Variants in SPAG16 observed in about 807,000 individuals in gnomAD.
SPAG16 encodes sperm associated antigen 16, also known as sperm-associated antigen 16 protein.
A neutral mutation model predicts 80.4 loss-of-function variants in SPAG16; 86 were observed. The ratio of observed to expected loss-of-function variants is 1.07; its 90% CI spans 0.90 to 1.28. The LOEUF is 1.28. SPAG16 is among the 50% of genes most tolerant of loss of function. The pLI, the probability that SPAG16 is intolerant of heterozygous loss-of-function variation, is 0.00. For missense variants in SPAG16, 870 were observed against 765.3 expected (o/e 1.14, Z -1.61); for synonymous variants, 294 against 265.9 (o/e 1.11, Z -1.03).
chr2:213,619,083 A>G (rs1474913324), intron 10 of SPAG16, among the ~76,000 whole-genome samples: 2 of 152,220 alleles, frequency 1.3e-5, no homozygotes, highest in Non-Finnish European at 2.9e-5. Flanking sequence ...CGGTAAAGCA[A>G]CATGTAAGTC....
At position 213,417,053 on chromosome 2, in the gene SPAG16, C is replaced by T. The variant is rs546315730; in HGVS notation, c.942+41934C>T. ...TGATTAAAGCAGAGGCACATTGACT[C>T]GTGGGGTGTATGGGCCTGTTAAAGG... On this transcript the variant is annotated intron_variant, in intron 9 of 15. Coordinates refer to ENST00000331683, the MANE Select transcript of SPAG16 (RefSeq NM_024532.5). Among the ~76,000 whole-genome samples, 265 of 152,244 alleles carry T rather than the reference C, an allele frequency of 1.7e-3. 1 individual carries two copies. Among genetic ancestry groups the T allele is most frequent in the African/African-American group, 6.0e-3 (249 of 41,548 alleles).
chr2:213,500,065 C>A (rs2074672237), intron 10 of SPAG16, among the ~76,000 whole-genome samples: 1 of 152,132 alleles, frequency 6.6e-6, no homozygotes, highest in Non-Finnish European at 1.5e-5. Flanking sequence ...TCCATAATCT[C>A]CCAGTTCTAT....
At chr2:214,321,989 T>A (rs1201794766) in intron 15 of SPAG16, among the ~76,000 whole-genome samples, 1 of 152,220 alleles carries the variant, frequency 6.6e-6, no homozygotes, top group Non-Finnish European at 1.5e-5. Flanking sequence ...TCCTTATTAA[T>A]AGATAACTTT....
At chr2:213,334,846 A>G (rs1184104298) in intron 5 of SPAG16, among the ~76,000 whole-genome samples, 2 of 152,124 alleles carry the variant, frequency 1.3e-5, no homozygotes, top group Non-Finnish European at 2.9e-5. Context: ...GGGATGGTTA[A>G]TGGGTACAGA....
chr2:213,591,044 C>T (rs2060672097), intron 10 of SPAG16, among the ~76,000 whole-genome samples: 1 of 152,144 alleles, frequency 6.6e-6, no homozygotes, highest in Non-Finnish European at 1.5e-5. Flanking sequence ...AACATAGTAA[C>T]AGAAAACCAA....
chr2:213,940,877 T>C (rs181165954), intron 12 of SPAG16, among the ~76,000 whole-genome samples: 1 of 152,312 alleles, frequency 6.6e-6, no homozygotes, highest in East Asian at 1.9e-4. Flanking sequence ...ATAAACAGGC[T>C]ACATTATGTT....
intron 10 of SPAG16, among the ~76,000 whole-genome samples, chr2:213,626,012 G>T (rs968869129): frequency 6.6e-6 from 1 of 152,002 alleles, no homozygotes; most frequent in Non-Finnish European, 1.5e-5. Context: ...CTTAAGTTTT[G>T]TTATTGACAT....
At chr2:213,931,269 C>T (rs1188734061) in intron 12 of SPAG16, among the ~76,000 whole-genome samples, 4 of 152,092 alleles carry the variant, frequency 2.6e-5, no homozygotes, top group Non-Finnish European at 5.9e-5. Flanking sequence ...AAAGCTATAG[C>T]TAAATAAAAT....
chr2:213,371,812 G>A (rs986011159), intron 8 of SPAG16, among the ~76,000 whole-genome samples: 2 of 152,074 alleles, frequency 1.3e-5, no homozygotes, highest in African/African-American at 4.8e-5. Context: ...CCAAAGTGAC[G>A]TTTATTATAG....
chr2:214,409,760 T>C (rs1363641250), intron 15 of SPAG16, among the ~76,000 whole-genome samples: 1 of 152,194 alleles, frequency 6.6e-6, no homozygotes, highest in African/African-American at 2.4e-5. Flanking sequence ...AAGCTATGCC[T>C]TTTAAAACTT....
chr2:214,342,124 C>A (rs1050120368), intron 15 of SPAG16, among the ~76,000 whole-genome samples: 1 of 152,038 alleles, frequency 6.6e-6, no homozygotes, highest in African/African-American at 2.4e-5. Context: ...TTTTAAGGAA[C>A]GATTTTAAGT....
At chr2:214,000,685 T>C (rs1419203493) in intron 12 of SPAG16, among the ~76,000 whole-genome samples, 3 of 152,150 alleles carry the variant, frequency 2.0e-5, no homozygotes, top group Admixed American at 2.0e-4. Context: ...TAAATTCAGC[T>C]AGTGATTGGT....
chr2:214,387,263 A>T (rs1700813194), intron 15 of SPAG16, among the ~76,000 whole-genome samples: 1 of 152,154 alleles, frequency 6.6e-6, no homozygotes, highest in African/African-American at 2.4e-5. Flanking sequence ...TATTCTTTTA[A>T]CAAATATTCA....
In SPAG16 at chr2:214,096,934, T is replaced by C. The variant is rs374545834; in HGVS notation, c.1528-11262T>C. ...GATCATTTCAGTATTAATAATGGAATATATTTTTTAACAACCTGTAAACCC... is the reference window on the plus strand; with the variant it reads ...GATCATTTCAGTATTAATAATGGAACATATTTTTTAACAACCTGTAAACCC... On this transcript the variant is annotated intron_variant, in intron 13 of 15. Coordinates refer to ENST00000331683, the MANE Select transcript of SPAG16 (RefSeq NM_024532.5). Among the ~76,000 whole-genome samples, 26 of 152,198 alleles carry C rather than the reference T, an allele frequency of 1.7e-4. No homozygotes were observed. The East Asian group carries it at 5.0e-3, about 29-fold the overall frequency.
rs142934000 is a variant in SPAG16, at chr2:213,829,922, G to A, written c.1071-32563G>A. On this transcript the variant is annotated intron_variant, in intron 10 of 15. Coordinates refer to ENST00000331683, the MANE Select transcript of SPAG16 (RefSeq NM_024532.5). The stretch of plus-strand genomic sequence containing the variant: ...ACTCTTCCTTCTCCTCTCATGAAGT[G>A]GAAGGAAGGGGTCTCTTTTGGAGCT... Among the ~76,000 whole-genome samples, 11 of 152,208 alleles carry A rather than the reference G, an allele frequency of 7.2e-5. No homozygotes were observed. In the East Asian group the frequency reaches 2.1e-3, roughly 29 times the overall value.
chr2:213,371,678 TTACTC>T (rs2066644435), intron 8 of SPAG16, among the ~76,000 whole-genome samples: 1 of 144,584 alleles, frequency 6.9e-6, no homozygotes, highest in Admixed American at 7.3e-5. Context: ...TGATTGTCAT[TTACTC>T]TAAACTTTGG....
chr2:213,351,720 A>G (rs978499871), intron 7 of SPAG16, among the ~76,000 whole-genome samples: 1 of 152,206 alleles, frequency 6.6e-6, no homozygotes, highest in African/African-American at 2.4e-5. Flanking sequence ...ATTTGTCAAG[A>G]CATGCTTTAA....
rs547331551 is a variant in SPAG16 at position 213,824,367 on chromosome 2, A to G, written c.1071-38118A>G. ...CAATGTTTTCTTTTAGCAGTTTCAT[A>G]GTTTGAGGTCTTAGGTTTAAGTCTT... is the stretch of plus-strand genomic sequence containing the variant. On this transcript the variant is annotated intron_variant, in intron 10 of 15. Coordinates refer to ENST00000331683, the MANE Select transcript of SPAG16 (RefSeq NM_024532.5). Among the ~76,000 whole-genome samples the G allele has an allele frequency of 2.7e-4, 41 of 152,316 alleles. 1 individual carries two copies. The South Asian group carries it at 8.3e-3, about 31-fold the overall frequency.
intron 15 of SPAG16, among the ~76,000 whole-genome samples, chr2:214,287,118 C>T (rs1427555638): frequency 6.6e-6 from 1 of 152,170 alleles, no homozygotes; most frequent in East Asian, 1.9e-4. Flanking sequence ...CTTACCTTTC[C>T]TCCTTGCATA....
Sources: allele counts gnomAD v4.1 joint callset (sites outside exome capture counted in the v4.1 genomes callset), GRCh38; gene constraint gnomAD v4.1.1; transcripts MANE v1.5; gene names NCBI Gene and HGNC (gene_info 2026-07-23, HGNC 2026-07-21).